The following EXD3 variants were observed in gnomAD, a reference collection of about 807,000 sequenced individuals.
The protein encoded by EXD3 is exonuclease 3'-5' domain containing 3.
EXD3 carries 92 observed loss-of-function variants against 98.0 expected under a neutral mutation model. The ratio of observed to expected loss-of-function variants is 0.94; its 90% CI spans 0.79 to 1.12. The LOEUF is 1.12. Among genes scored for constraint, EXD3 ranks in the 50% most tolerant of loss-of-function variants. The probability of loss-of-function intolerance (pLI) is 0.00; values close to 1 mark genes in which losing one functional copy is unlikely to be tolerated. For synonymous variants in EXD3, 569 were observed against 526.0 expected (o/e 1.08, Z -1.12); for missense variants, 1,222 against 1,191.6 (o/e 1.03, Z -0.38).
At chr9:137,330,250 A>G (rs1832957650) in intron 17 of EXD3, among the ~76,000 whole-genome samples, 1 of 143,436 alleles carries the variant, frequency 7.0e-6, no homozygotes, top group Non-Finnish European at 1.5e-5. Context: ...CAGGAGCTAC[A>G]CAGGGCTCCA....
intron 17 of EXD3, among the ~76,000 whole-genome samples, chr9:137,326,751 G>A (rs1042028972): frequency 3.3e-5 from 5 of 152,154 alleles, no homozygotes; most frequent in Non-Finnish European, 7.3e-5. Flanking sequence ...GTCACTGGCG[G>A]GAAGGTAAAT....
intron 19 of EXD3, among the ~76,000 whole-genome samples, chr9:137,314,451 C>G (rs545820898): frequency 6.6e-6 from 1 of 152,148 alleles, no homozygotes; most frequent in Non-Finnish European, 1.5e-5. Flanking sequence ...GGATAGCGGC[C>G]GTCTTTTGGG....
chr9:137,350,709 G>A (rs1233932976), intron 14 of EXD3, among the ~76,000 whole-genome samples: 1 of 151,496 alleles, frequency 6.6e-6, no homozygotes, highest in African/African-American at 2.4e-5. Flanking sequence ...GGGGATCACG[G>A]GGAGGGGGCT....
intron 3 of EXD3, chr9:137,374,775 A>G (rs1045049218): frequency 7.1e-6 from 7 of 985,366 alleles, no homozygotes; most frequent in Non-Finnish European, 8.4e-6. Context: ...TGGGAAGAAA[A>G]GGAAAGCCGC....
rs1390372636 is a variant in EXD3 at position 137,403,933 on chromosome 9, GT to G, written c.-47-8530del. On this transcript the variant is annotated intron_variant, in intron 1 of 21. Coordinates refer to ENST00000340951, the MANE Select transcript of EXD3 (RefSeq NM_017820.5). This position sits in a 1 kb window ranked among gnomAD's most constrained non-coding sequence, Gnocchi z 6.1. ...CATCTCTGCATAGACCCCGAAGGATGTGGAGTGTCCTCCAGGGCCGTACAAA... is the reference window on the plus strand; with the variant it reads ...CATCTCTGCATAGACCCCGAAGGATGGGAGTGTCCTCCAGGGCCGTACAAA... Among the ~76,000 whole-genome samples, 1 of 152,116 alleles carries G rather than the reference GT, an allele frequency of 6.6e-6. No individual in the cohort carries two copies. The highest frequency in any genetic ancestry group is 1.9e-4 in the East Asian group (1 of 5,160).
In EXD3 at chr9:137,323,831, C is replaced by A. The variant is rs200104609; in HGVS notation, c.2078G>T (p.Arg693Leu). The A allele has an allele frequency of 6.2e-7, 1 of 1,611,744 alleles. No individual in the cohort carries two copies. Among genetic ancestry groups the A allele is most frequent in the Admixed American group, 1.7e-5 (1 of 59,972 alleles). ...CAGGGAGCAGTCGACCGAGAGGCAG[C>A]GCCCAGCCCCGACCTGGGCCCGGAG... ...HKLRAQVGAG[R>L]CLSVDCSLKA... is the part of the protein sequence containing the mutation. The change falls in exon 19 of 22, where the codon CGC becomes CTC. Residue 693 changes from arginine (R) to leucine (L), a missense_variant. Transcript: ENST00000340951.
At chr9:137,341,118 C>T (rs978389461) in intron 17 of EXD3, among the ~76,000 whole-genome samples, 4 of 152,186 alleles carry the variant, frequency 2.6e-5, no homozygotes, top group Admixed American at 2.6e-4. Flanking sequence ...GAGTTCAAGA[C>T]CAGCCTGGAC....
chr9:137,390,119 CAAAAAAA>C (rs34716316), intron 2 of EXD3, among the ~76,000 whole-genome samples: 5 of 23,380 alleles, frequency 2.1e-4, no homozygotes, highest in South Asian at 3.0e-3. Flanking sequence ...GAGACTCTGT[CAAAAAAA>C]AAAAAAAAAA....
rs1224367715 is a variant in EXD3, at chr9:137,334,369, T to C, written c.1999-10226A>G. Among the ~76,000 whole-genome samples, 6 of 152,266 alleles carry C rather than the reference T, an allele frequency of 3.9e-5. No homozygotes were observed. The East Asian group carries it at 1.2e-3, about 29-fold the overall frequency. On this transcript the variant is annotated intron_variant, in intron 17 of 21. Transcript: ENST00000340951. Reference sequence around the variant, plus strand: ...TATAGTTACCAAAACAGCATAGTACTGGTATAAAAGTAGATACATAGACCA... The same window carrying C: ...TATAGTTACCAAAACAGCATAGTACCGGTATAAAAGTAGATACATAGACCA...
chr9:137,364,138 A>G (rs550964986), intron 7 of EXD3, among the ~76,000 whole-genome samples: 5 of 152,242 alleles, frequency 3.3e-5, no homozygotes, highest in Admixed American at 3.3e-4. Flanking sequence ...GTGGACTTTT[A>G]AAAGTCAAGG....
intron 19 of EXD3, among the ~76,000 whole-genome samples, chr9:137,321,701 G>GA (rs886485851): frequency 4.4e-4 from 67 of 152,192 alleles, no homozygotes; most frequent in African/African-American, 1.5e-3. Flanking sequence ...AAAACCCCAG[G>GA]AAACAAAACT....
At chr9:137,354,213 T>C (rs1834481811) in intron 10 of EXD3, 126 bp downstream of exon 10, 2 of 1,483,150 alleles carry the variant, frequency 1.3e-6, no homozygotes, top group South Asian at 2.4e-5. Context: ...CAACATGGGG[T>C]CTGGGCTCAG....
intron 17 of EXD3, among the ~76,000 whole-genome samples, chr9:137,335,315 G>A (rs1352961803): frequency 3.3e-5 from 5 of 152,032 alleles, no homozygotes; most frequent in African/African-American, 1.2e-4. Context: ...TCAACCTCAC[G>A]AATCATCAGG....
intron 17 of EXD3, among the ~76,000 whole-genome samples, chr9:137,329,966 C>G (rs1481184765): frequency 4.9e-5 from 1 of 20,382 alleles, no homozygotes; most frequent in Non-Finnish European, 8.0e-5. Context: ...AGGAGCTATA[C>G]AGGAGCTACA....
rs765819830 is a variant in EXD3 at position 137,371,935 on chromosome 9, G to T, written c.462+970C>A. On this transcript the variant is annotated intron_variant, in intron 5 of 21. Transcript: ENST00000340951. This position sits in a 1 kb window ranked among gnomAD's most constrained non-coding sequence, Gnocchi z 8.0. The stretch of plus-strand genomic sequence containing the variant: ...ACGGCCGCCTCCCTACCCACTGCAG[G>T]CCCCACTGCTCCCTACTGTTCCACA... Among the ~76,000 whole-genome samples the T allele has an allele frequency of 1.4e-4, 21 of 151,960 alleles. No individual in the cohort carries two copies. The highest frequency in any genetic ancestry group is 2.4e-4 in the Non-Finnish European group (16 of 67,988).
At position 137,309,705 on chromosome 9, in the gene EXD3, G is replaced by T. The variant is rs1356125386; in HGVS notation, c.2185-5C>A. Reference sequence around the variant, plus strand: ...GTACTGGTCACAGTTACAGGCCTGGGGGCCAGAGGGGGTGCTGAGGCCCAG... The same window carrying T: ...GTACTGGTCACAGTTACAGGCCTGGTGGCCAGAGGGGGTGCTGAGGCCCAG... On this transcript the variant is annotated splice_polypyrimidine_tract_variant and splice_region_variant and intron_variant, in intron 19 of 21. Coordinates refer to ENST00000340951, the MANE Select transcript of EXD3 (RefSeq NM_017820.5). The T allele has an allele frequency of 7.1e-6, 11 of 1,550,832 alleles. No homozygotes were observed. Among genetic ancestry groups the T allele is most frequent in the Middle Eastern group, 1.7e-4 (1 of 5,950 alleles).
Position 137,393,353 on chromosome 9 carries a change from G to A in EXD3, c.55+1950C>T, listed in dbSNP as rs962532604. On this transcript the variant is annotated intron_variant, in intron 2 of 21. Coordinates refer to ENST00000340951, the MANE Select transcript of EXD3 (RefSeq NM_017820.5). The surrounding 1 kb of genome is among the most constrained non-coding windows in gnomAD (Gnocchi z 4.6). The stretch of plus-strand genomic sequence containing the variant: ...CCTCATCCCACACAGGTGCAGGCCC[G>A]GGGCCCGCAGATGGCCTCAGAGGAG... 2.7e-5 allele frequency: 18 copies of A among 665,000 alleles called. No individual in the cohort carries two copies. Among genetic ancestry groups the A allele is most frequent in the African/African-American group, 1.8e-4 (10 of 56,152 alleles). 41.2% of individuals were successfully genotyped at this position (665,000 alleles called of 1,614,324 possible).
intron 3 of EXD3, 146 bp downstream of exon 3, chr9:137,383,167 C>G: frequency 4.6e-6 from 3 of 653,498 alleles, no homozygotes; most frequent in Non-Finnish European, 8.0e-6. Context: ...TGGAGGCGGT[C>G]TGGGGCAGCA....
At chr9:137,358,409 T>C (rs11533156) in intron 7 of EXD3, among the ~76,000 whole-genome samples, 99,379 of 151,988 alleles carry the variant, frequency 0.65, 33,079 homozygotes, top group East Asian at 0.85. Flanking sequence ...AAAGACCCCC[T>C]GGAGACCCTG....
Sources: gnomAD v4.1 joint callset for allele counts (sites outside exome capture counted in the v4.1 genomes callset) on GRCh38, gnomAD v4.1.1 for gene constraint, Gnocchi (gnomAD v3.1) non-coding constraint, MANE v1.5 for transcripts, NCBI Gene and HGNC (gene_info 2026-07-23, HGNC 2026-07-21) for gene names.